LRRC37A2: variants seen among roughly 807,000 people sequenced by gnomAD.
The protein encoded by LRRC37A2 is leucine rich repeat containing 37 member A2, also known as leucine-rich repeat-containing protein 37A2.
Under a neutral mutation model 68.8 loss-of-function variants are expected in LRRC37A2, and 9 were observed. The observed-to-expected ratio is 0.13, with a 90% CI of 0.08 to 0.23. The LOEUF (loss-of-function observed/expected upper bound fraction) is 0.23. Ranked by LOEUF, LRRC37A2 falls within the 10% of genes least tolerant of loss-of-function variation. LRRC37A2 has a pLI of 1.00. For synonymous variants in LRRC37A2, 63 were observed against 367.6 expected (o/e 0.17, Z 9.48); for missense variants, 168 against 950.4 (o/e 0.18, Z 10.82).
At chr17:46,928,168 C>G in the LRRC37A2 span, among the ~76,000 whole-genome samples, 1 of 152,124 alleles carries the variant, frequency 6.6e-6, no homozygotes, top group African/African-American at 2.4e-5. Context: ...AGTTGCTTCT[C>G]AGGGCCACAG....
At chr17:46,939,347 T>C in the LRRC37A2 span, 2 of 1,007,722 alleles carry the variant, frequency 2.0e-6, no homozygotes, top group Non-Finnish European at 2.4e-6. Context: ...GGAAACAAGA[T>C]GTAGTGCTAT....
At chr17:46,721,968 G>A in the LRRC37A2 span, 2 of 1,604,020 alleles carry the variant, frequency 1.2e-6, no homozygotes, top group African/African-American at 2.7e-5. Context: ...TTCAGTTGAG[G>A]AACGGGAACA....
chr17:46,851,690 C>T, the LRRC37A2 span: 1 of 1,308,722 alleles, frequency 7.6e-7, no homozygotes, highest in Non-Finnish European at 9.7e-7. The surrounding 1 kb of genome is among the most constrained non-coding windows in gnomAD (Gnocchi z 4.3). Flanking sequence ...GCTGGCGCTG[C>T]CCGCCGCCGC....
At chr17:46,763,275 T>C in the LRRC37A2 span, 4 of 152,276 alleles carry the variant, frequency 2.6e-5, no homozygotes, top group Non-Finnish European at 4.4e-5. Context: ...GTGAAATCCA[T>C]GTGCCTCCCT....
At chr17:46,933,782 G>GTGA in the LRRC37A2 span, among the ~76,000 whole-genome samples, 1 of 151,984 alleles carries the variant, frequency 6.6e-6, no homozygotes, top group Admixed American at 6.6e-5. Flanking sequence ...GGGTGACATG[G>GTGA]TGAGACATTG....
At chr17:46,730,512 A>T in the LRRC37A2 span, among the ~76,000 whole-genome samples, 1 of 152,196 alleles carries the variant, frequency 6.6e-6, no homozygotes, top group Admixed American at 6.5e-5. Flanking sequence ...TTAACGAATG[A>T]TCTGCCACAC....
At chr17:47,017,815 G>C in the LRRC37A2 span, 3 of 1,609,572 alleles carry the variant, frequency 1.9e-6, no homozygotes, top group South Asian at 3.3e-5. Flanking sequence ...GAGCCTCCAG[G>C]GCCCTCTGAG....
the LRRC37A2 span, among the ~76,000 whole-genome samples, chr17:46,900,308 T>A: frequency 2.0e-5 from 3 of 149,756 alleles, no homozygotes; most frequent in East Asian, 3.9e-4. Flanking sequence ...TGGAGTGGAG[T>A]CGCATGATCT....
the LRRC37A2 span, among the ~76,000 whole-genome samples, chr17:46,973,534 C>G: frequency 2.0e-5 from 3 of 152,038 alleles, no homozygotes; most frequent in African/African-American, 7.2e-5. Context: ...TATCCATGGA[C>G]TGGAGTGCAC....
chr17:46,961,793 A>G, the LRRC37A2 span, among the ~76,000 whole-genome samples: 1 of 152,234 alleles, frequency 6.6e-6, no homozygotes, highest in Non-Finnish European at 1.5e-5. Context: ...AAATATTAAT[A>G]TCCAACAAAA....
the LRRC37A2 span, among the ~76,000 whole-genome samples, chr17:46,776,625 C>T: frequency 6.6e-6 from 1 of 152,188 alleles, no homozygotes; most frequent in East Asian, 1.9e-4. Context: ...GCATCTCCAG[C>T]CCAGCCCTGC....
the LRRC37A2 span, among the ~76,000 whole-genome samples, chr17:46,849,817 T>A: frequency 1.3e-5 from 2 of 151,780 alleles, no homozygotes; most frequent in African/African-American, 4.8e-5. Flanking sequence ...ATCACTGATA[T>A]TAGGTGCCGG....
the LRRC37A2 span, among the ~76,000 whole-genome samples, chr17:46,496,919 A>G: frequency 0.16 from 15,741 of 99,782 alleles, 710 homozygotes; most frequent in Non-Finnish European, 0.27. Flanking sequence ...CATCTCGGGG[A>G]AAAAAAAAAA....
chr17:46,942,988 C>T, the LRRC37A2 span, among the ~76,000 whole-genome samples: 2 of 152,170 alleles, frequency 1.3e-5, no homozygotes, highest in Non-Finnish European at 2.9e-5. Flanking sequence ...CATTGGAATT[C>T]CCTCGGGAGC....
At chr17:46,720,043 G>A in the LRRC37A2 span, among the ~76,000 whole-genome samples, 2 of 152,184 alleles carry the variant, frequency 1.3e-5, no homozygotes, top group South Asian at 2.1e-4. Flanking sequence ...AGTCTGCACA[G>A]AACAGAATCG....
the LRRC37A2 span, among the ~76,000 whole-genome samples, chr17:46,981,006 G>C: frequency 2.7e-3 from 417 of 152,298 alleles, 1 homozygote; most frequent in South Asian, 6.0e-3. Context: ...AGTAGCGAAG[G>C]GGGGTGGGGG....
At chr17:46,595,584 C>T in the LRRC37A2 span, among the ~76,000 whole-genome samples, 13 of 131,794 alleles carry the variant, frequency 9.9e-5, 2 homozygotes, top group South Asian at 4.6e-4. Context: ...CTCTGCCTCC[C>T]GGGTTCAAGC....
the LRRC37A2 span, among the ~76,000 whole-genome samples, chr17:46,897,792 T>C: frequency 6.6e-6 from 1 of 152,242 alleles, no homozygotes; most frequent in South Asian, 2.1e-4. Flanking sequence ...GCTGGCTACC[T>C]TTCTTTATTG....
chr17:46,872,434 C>A, the LRRC37A2 span: 32 of 1,413,728 alleles, frequency 2.3e-5, no homozygotes, highest in Middle Eastern at 2.7e-4. Context: ...GTAAATGAAG[C>A]CCCTGAGGAG....
Sources: gnomAD v4.1 joint callset for allele counts (sites outside exome capture counted in the v4.1 genomes callset) on GRCh38, gnomAD v4.1.1 for gene constraint, Gnocchi (gnomAD v3.1) non-coding constraint, MANE v1.5 for transcripts, NCBI Gene and HGNC (gene_info 2026-07-23, HGNC 2026-07-21) for gene names.